The following USP6NL variants were observed in gnomAD, a reference collection of about 807,000 sequenced individuals.
The protein encoded by USP6NL is USP6 N-terminal-like protein.
A neutral mutation model predicts 61.9 loss-of-function variants in USP6NL; 26 were observed. The ratio of observed to expected loss-of-function variants is 0.42; its 90% CI spans 0.31 to 0.58. The LOEUF is 0.58. Among genes scored for constraint, USP6NL ranks in the 20% least tolerant of loss-of-function variants. The pLI is 0.16. For missense variants in USP6NL, 1,114 were observed against 1,034.3 expected (o/e 1.08, Z -1.06); for synonymous variants, 432 against 390.1 (o/e 1.11, Z -1.27).
chr10:11,528,815 G>T lies in USP6NL; in HGVS notation c.5-1248C>A, dbSNP rs1246234207. Among the ~76,000 whole-genome samples the T allele has an allele frequency of 6.6e-6, 1 of 152,086 alleles. No homozygotes were observed. The highest frequency in any genetic ancestry group is 2.4e-5 in the African/African-American group (1 of 41,394). ...AAATGGTGGTTCCTAAGGAGAGGTG[G>T]GGTTAAAAACAAGGGAGCTGAGTAA... On this transcript the variant is annotated intron_variant, in intron 2 of 14. Coordinates refer to ENST00000609104, the MANE Select transcript of USP6NL (RefSeq NM_014688.5). The surrounding 1 kb of genome is among the most constrained non-coding windows in gnomAD (Gnocchi z 4.6).
Position 11,587,098 on chromosome 10 carries a change from T to C in USP6NL, c.4+10533A>G, listed in dbSNP as rs1050103243. Among the ~76,000 whole-genome samples, 2 of 152,210 alleles carry C rather than the reference T, an allele frequency of 1.3e-5. No homozygotes were observed. The highest frequency in any genetic ancestry group is 2.9e-5 in the Non-Finnish European group (2 of 68,028). ...TCTGGCTTTCCCACCAGTTCCATGA[T>C]CTACAAGGCCAAGGGTCATGTCTGT... is the stretch of plus-strand genomic sequence containing the variant. On this transcript the variant is annotated intron_variant, in intron 2 of 14. Coordinates refer to ENST00000609104, the MANE Select transcript of USP6NL (RefSeq NM_014688.5). The surrounding 1 kb of genome is among the most constrained non-coding windows in gnomAD (Gnocchi z 4.5).
intron 1 of USP6NL, among the ~76,000 whole-genome samples, chr10:11,609,363 C>A (rs1408495562): frequency 2.0e-5 from 3 of 152,058 alleles, no homozygotes; most frequent in African/African-American, 7.2e-5. Flanking sequence ...CACTGCAACC[C>A]GCCAGTCTAT....
Position 11,462,851 on chromosome 10 carries a change from G to C in USP6NL, c.2077C>G (p.Leu693Val). ...AGGACTTCTATTCGACTAGACGGCA[G>C]TACAAGGGGGCTTGGGCGGCTGTAA... ...KSYSRPSPLV[L>V]PSSRIEVLPV... The change falls in exon 15 of 15, where the codon CTG (leucine) becomes GTG (valine). Residue 693 changes from leucine (L) to valine (V), a missense_variant. Coordinates refer to ENST00000609104, the MANE Select transcript of USP6NL (RefSeq NM_014688.5). 2 of 1,613,974 alleles carry C rather than the reference G, an allele frequency of 1.2e-6. No homozygotes were observed. The highest frequency in any genetic ancestry group is 2.2e-5 in the East Asian group (1 of 44,884).
At chr10:11,527,780 C>T (rs1835479878) in intron 2 of USP6NL, among the ~76,000 whole-genome samples, 1 of 152,164 alleles carries the variant, frequency 6.6e-6, no homozygotes, top group East Asian at 1.9e-4. Context: ...TTCATTAAGG[C>T]ATAAACTTAG....
At position 11,517,953 on chromosome 10, in the gene USP6NL, G is replaced by T. The variant is rs144433097; in HGVS notation, c.195+582C>A. Among the ~76,000 whole-genome samples, 51 of 152,284 alleles carry T rather than the reference G, an allele frequency of 3.3e-4. No individual in the cohort carries two copies. In the East Asian group the frequency reaches 9.1e-3, roughly 27 times the overall value. Reference sequence around the variant, plus strand: ...AAAACATTCCGTCACTACTTCAAACGCATGCCTGGGTGTGGAGCCAGTTCC... The same window carrying T: ...AAAACATTCCGTCACTACTTCAAACTCATGCCTGGGTGTGGAGCCAGTTCC... On this transcript the variant is annotated intron_variant, in intron 5 of 14. Transcript: ENST00000609104.
chr10:11,580,296 C>A (rs924904296), intron 2 of USP6NL, among the ~76,000 whole-genome samples: 21 of 152,018 alleles, frequency 1.4e-4, no homozygotes, highest in Non-Finnish European at 4.4e-5. Context: ...TTAGATAAAT[C>A]AAAATCATGA....
rs1837940389 is a variant in USP6NL at position 11,585,755 on chromosome 10, T to C, written c.4+11876A>G. ...GACAGAAGAATGGATAAACAAAATA[T>C]GGTCTATATATACAAGGGAATATTA... is the stretch of plus-strand genomic sequence containing the variant. On this transcript the variant is annotated intron_variant, in intron 2 of 14. Coordinates refer to ENST00000609104, the MANE Select transcript of USP6NL (RefSeq NM_014688.5). The surrounding 1 kb of genome is among the most constrained non-coding windows in gnomAD (Gnocchi z 4.5). Among the ~76,000 whole-genome samples, 1 of 152,162 alleles carries C rather than the reference T, an allele frequency of 6.6e-6. No homozygotes were observed. Among genetic ancestry groups the C allele is most frequent in the Non-Finnish European group, 1.5e-5 (1 of 68,018 alleles).
Position 11,476,882 on chromosome 10 carries a change from A to AT in USP6NL, c.1078+4887dup, listed in dbSNP as rs1170125801. Among the ~76,000 whole-genome samples, 2 of 147,882 alleles carry AT rather than the reference A, an allele frequency of 1.4e-5. No homozygotes were observed. Among genetic ancestry groups the AT allele is most frequent in the Non-Finnish European group, 3.0e-5 (2 of 65,792 alleles). On this transcript the variant is annotated intron_variant, in intron 14 of 14. Transcript: ENST00000609104. This position sits in a 1 kb window ranked among gnomAD's most constrained non-coding sequence, Gnocchi z 4.3. ...GCATTTGACTTTTTTTATTATTATT[A>AT]TTTTTTCAAGACGGAGTCTTGCTCT...
intron 14 of USP6NL, among the ~76,000 whole-genome samples, chr10:11,479,516 C>T (rs992688071): frequency 3.3e-5 from 5 of 151,376 alleles, no homozygotes; most frequent in African/African-American, 9.7e-5. Flanking sequence ...GGAGTTCACA[C>T]TGCCACATTA....
In USP6NL at chr10:11,476,994, C is replaced by G. The variant is rs1832994508; in HGVS notation, c.1078+4776G>C. The stretch of plus-strand genomic sequence containing the variant: ...TCAAGCAATCCTCCTGCCTCAGCCT[C>G]CCGAGTAGTTGGGATTACAGGCACC... On this transcript the variant is annotated intron_variant, in intron 14 of 14. Coordinates refer to ENST00000609104, the MANE Select transcript of USP6NL (RefSeq NM_014688.5). This position sits in a 1 kb window ranked among gnomAD's most constrained non-coding sequence, Gnocchi z 4.3. 6.6e-6 allele frequency among the ~76,000 whole-genome samples: 1 copy of G among 152,218 alleles called. No individual in the cohort carries two copies. The highest frequency in any genetic ancestry group is 2.4e-5 in the African/African-American group (1 of 41,456).
intron 2 of USP6NL, among the ~76,000 whole-genome samples, chr10:11,538,127 A>C (rs1289685120): frequency 6.6e-6 from 1 of 152,186 alleles, no homozygotes; most frequent in Admixed American, 6.5e-5. Flanking sequence ...TCTCACACCA[A>C]GTCCTGGGTC....
In USP6NL at chr10:11,465,385, A is replaced by G. The variant is rs1005593031; in HGVS notation, c.1079-1536T>C. Among the ~76,000 whole-genome samples, 3 of 152,216 alleles carry G rather than the reference A, an allele frequency of 2.0e-5. No individual in the cohort carries two copies. Among genetic ancestry groups the G allele is most frequent in the Non-Finnish European group, 4.4e-5 (3 of 68,034 alleles). ...CAGAGTGGTGAATGCATGCCTGAAGATGCACTGTCACAGGGGCAAAACTGG... is the reference window on the plus strand; with the variant it reads ...CAGAGTGGTGAATGCATGCCTGAAGGTGCACTGTCACAGGGGCAAAACTGG... On this transcript the variant is annotated intron_variant, in intron 14 of 14. Coordinates refer to ENST00000609104, the MANE Select transcript of USP6NL (RefSeq NM_014688.5). The surrounding 1 kb of genome is among the most constrained non-coding windows in gnomAD (Gnocchi z 4.5).
At chr10:11,552,845 C>G (rs7894428) in intron 2 of USP6NL, among the ~76,000 whole-genome samples, 1 of 151,980 alleles carries the variant, frequency 6.6e-6, no homozygotes, top group Non-Finnish European at 1.5e-5. Flanking sequence ...ATTTGGGGGA[C>G]GGTGGGTACC....
Position 11,532,809 on chromosome 10 carries a change from G to C in USP6NL, c.5-5242C>G, listed in dbSNP as rs1429120790. On this transcript the variant is annotated intron_variant, in intron 2 of 14. Transcript: ENST00000609104. This position sits in a 1 kb window ranked among gnomAD's most constrained non-coding sequence, Gnocchi z 4.1. ...CTCTGTTTCAGCCCGTTTCAGACAG[G>C]AAGCAAAATACATGCTAAAGTAGTG... is the stretch of plus-strand genomic sequence containing the variant. Among the ~76,000 whole-genome samples the C allele has an allele frequency of 6.6e-6, 1 of 152,134 alleles. No individual in the cohort carries two copies.
In USP6NL at chr10:11,463,066, C is replaced by T. The variant is rs945702300; in HGVS notation, c.1862G>A (p.Gly621Glu). The part of the protein sequence containing the change: ...SHARYPSQLD[G>E]EARGLAHPPS... ...GGGATGAGCTAGCCCTCGGGCTTCCCCATCTAGCTGGGACGGATATCGTGC... is the reference window on the plus strand; with the variant it reads ...GGGATGAGCTAGCCCTCGGGCTTCCTCATCTAGCTGGGACGGATATCGTGC... Residue 621 changes from glycine to glutamate, a missense_variant, in exon 15 of 15, where the codon GGG (glycine) becomes GAG (glutamate). By Grantham distance (98) the Gly-to-Glu change is moderately conservative (BLOSUM62 -2). Transcript: ENST00000609104. This position sits in a 1 kb window ranked among gnomAD's most constrained non-coding sequence, Gnocchi z 6.3. 5 of 1,613,876 alleles carry T rather than the reference C, an allele frequency of 3.1e-6. No homozygotes were observed. The African/African-American group carries it at 6.7e-5, about 22-fold the overall frequency.
In USP6NL at chr10:11,462,088, T is replaced by C; in HGVS notation, c.*353A>G. The C allele has an allele frequency of 4.4e-6, 1 of 226,804 alleles. No homozygotes were observed. The highest frequency in any genetic ancestry group is 8.7e-6 in the Non-Finnish European group (1 of 115,510). The allele number at this position is 226,804 out of a possible 1,614,324, so 14.0% of individuals were successfully genotyped here. ...AATATCTATTCTACAGTTTTTTCAGTACTTTGTAACATTAGTCAAAATAGA... is the reference window on the plus strand; with the variant it reads ...AATATCTATTCTACAGTTTTTTCAGCACTTTGTAACATTAGTCAAAATAGA... On this transcript the variant is annotated 3_prime_UTR_variant, in exon 15 of 15. Coordinates refer to ENST00000609104, the MANE Select transcript of USP6NL (RefSeq NM_014688.5).
intron 10 of USP6NL, among the ~76,000 whole-genome samples, chr10:11,488,133 C>T (rs1331681047): frequency 6.6e-6 from 1 of 152,006 alleles, no homozygotes; most frequent in African/African-American, 2.4e-5. Context: ...GATCTAAGGG[C>T]GGGGGCTGTG....
At position 11,548,058 on chromosome 10, in the gene USP6NL, T is replaced by C. The variant is rs1836349996; in HGVS notation, c.5-20491A>G. Among the ~76,000 whole-genome samples the C allele has an allele frequency of 6.6e-6, 1 of 152,214 alleles. No homozygotes were observed. Among genetic ancestry groups the C allele is most frequent in the Non-Finnish European group, 1.5e-5 (1 of 68,038 alleles). On this transcript the variant is annotated intron_variant, in intron 2 of 14. Coordinates refer to ENST00000609104, the MANE Select transcript of USP6NL (RefSeq NM_014688.5). The surrounding 1 kb of genome is among the most constrained non-coding windows in gnomAD (Gnocchi z 4.3). ...TAATAAGTGATCACTCAATTTCTCC[T>C]TAAGGCTTCCAGAAATGAAAATCTC...
rs993054607 is a variant in USP6NL, at chr10:11,500,098, A to G, written c.384+1003T>C. On this transcript the variant is annotated intron_variant, in intron 7 of 14. Coordinates refer to ENST00000609104, the MANE Select transcript of USP6NL (RefSeq NM_014688.5). ...AACCAAATAATGCATGTTCTCACTT[A>G]TAAGTGGGAGCTGAATAATGAGACT... Among the ~76,000 whole-genome samples the G allele has an allele frequency of 3.3e-5, 5 of 152,162 alleles. No homozygotes were observed. The East Asian group carries it at 7.7e-4, about 23-fold the overall frequency.
Sources: allele counts gnomAD v4.1 joint callset (sites outside exome capture counted in the v4.1 genomes callset), GRCh38; gene constraint gnomAD v4.1.1; non-coding constraint Gnocchi (gnomAD v3.1); transcripts MANE v1.5; gene names NCBI Gene and HGNC (gene_info 2026-07-23, HGNC 2026-07-21).